Variants in PRPS1 observed in about 807,000 individuals in gnomAD.
PRPS1 encodes the protein ribose-phosphate pyrophosphokinase 1.
Under a neutral mutation model 16.9 loss-of-function variants are expected in PRPS1, and 1 was observed. The observed-to-expected ratio is 0.06, with a 90% CI of 0.02 to 0.28. The LOEUF (loss-of-function observed/expected upper bound fraction) is 0.28, where lower values mean the gene tolerates loss of function less well. Among genes scored for constraint, PRPS1 ranks in the 10% least tolerant of loss-of-function variants. PRPS1 has a pLI of 1.00. For missense variants in PRPS1, 47 were observed against 254.0 expected (o/e 0.19, Z 5.54); for synonymous variants, 70 against 90.2 (o/e 0.78, Z 1.27).
intron 1 of PRPS1, 144 bp downstream of exon 1, chrX:107,628,894 G>A: frequency 1.1e-6 from 1 of 875,873 alleles, no homozygotes; most frequent in Non-Finnish European, 1.6e-6. Flanking sequence ...CCCACGGGCT[G>A]TTTCCGTTAT....
chrX:107,639,606 C>T, intron 2 of PRPS1, 128 bp downstream of exon 2: 4 of 669,544 alleles, frequency 6.0e-6, no homozygotes, highest in Non-Finnish European at 9.1e-6. Context: ...TTAGGTATTA[C>T]CCTATCTTCA....
rs185553780 is a variant in PRPS1 at position 107,649,863 on chromosome X, G to A, written c.865-77G>A. ...TAAGAGGAAGGGCACTTGCCTGGCT[G>A]CTCATCAGTGTCTGCAAATTGGCCA... On this transcript the variant is annotated intron_variant, in intron 6 of 6. Transcript: ENST00000372435. 1.2e-5 allele frequency: 14 copies of A among 1,207,861 alleles called. No individual in the cohort carries two copies. The African/African-American group carries it at 2.3e-4, about 20-fold the overall frequency.
intron 6 of PRPS1, among the ~76,000 whole-genome samples, chrX:107,649,579 C>T (rs1266572679): frequency 1.8e-5 from 2 of 112,043 alleles, no homozygotes; most frequent in African/African-American, 3.2e-5. Context: ...CTCAGCCTCC[C>T]GAGTAGCTGG....
In PRPS1 at chrX:107,650,683, G is replaced by A. The variant is rs180980520; in HGVS notation, c.*651G>A. The A allele has an allele frequency of 3.4e-6, 1 of 296,795 alleles. No individual in the cohort carries two copies. Among genetic ancestry groups the A allele is most frequent in the African/African-American group, 2.8e-5 (1 of 36,164 alleles). 24.5% of individuals were successfully genotyped at this position (296,795 alleles called of 1,213,427 possible). A position where few individuals can be genotyped will look rare whatever the true frequency, so the allele number is the denominator to read the frequency against. ...CCTTTGTACCTATCCCTTTCGATTT[G>A]GCTTTACCTTCATCTATCTTGATCC... On this transcript the variant is annotated 3_prime_UTR_variant, in exon 7 of 7. Transcript: ENST00000372435.
intron 4 of PRPS1, among the ~76,000 whole-genome samples, chrX:107,644,404 A>T (rs1358736807): frequency 8.9e-6 from 1 of 111,794 alleles, no homozygotes; most frequent in Non-Finnish European, 1.9e-5. Flanking sequence ...AACAGGCTGG[A>T]TGCTGCTCCT....
intron 6 of PRPS1, among the ~76,000 whole-genome samples, chrX:107,648,676 G>A (rs1380194233): frequency 9.1e-6 from 1 of 110,483 alleles, no homozygotes; most frequent in Non-Finnish European, 1.9e-5. Context: ...GCCTCCCAAA[G>A]TGCTGAGATT....
chrX:107,635,445 ATT>A (rs397896027), intron 1 of PRPS1, among the ~76,000 whole-genome samples: 1 of 99,670 alleles, frequency 1.0e-5, no homozygotes. Flanking sequence ...AAATTTTCTG[ATT>A]TTTTTTTTTT....
intron 6 of PRPS1, 127 bp from the exon 7 acceptor site, chrX:107,649,811 CAG>C: frequency 8.9e-7 from 1 of 1,120,150 alleles, no homozygotes; most frequent in East Asian, 3.0e-5. Context: ...AGCCTCATGA[CAG>C]GGAAACAGCA....
At chrX:107,632,780 A>G (rs1022941605) in intron 1 of PRPS1, among the ~76,000 whole-genome samples, 6 of 112,717 alleles carry the variant, frequency 5.3e-5, no homozygotes, top group African/African-American at 1.9e-4. Context: ...AATAAGGTTA[A>G]GATTTTTAGA....
chrX:107,635,921 G>A (rs1203328659), intron 1 of PRPS1, among the ~76,000 whole-genome samples: 2 of 108,141 alleles, frequency 1.8e-5, no homozygotes, highest in Non-Finnish European at 3.8e-5. Flanking sequence ...TTAGCTGGGC[G>A]TGGTGGCGTG....
chrX:107,644,203 A>C (rs1424804370), intron 4 of PRPS1, among the ~76,000 whole-genome samples: 2 of 112,336 alleles, frequency 1.8e-5, no homozygotes, highest in Non-Finnish European at 3.8e-5. Context: ...AAAAATAAGA[A>C]TTCTCTTTGA....
At chrX:107,644,896 G>C (rs1299281390) in intron 4 of PRPS1, among the ~76,000 whole-genome samples, 1 of 110,775 alleles carries the variant, frequency 9.0e-6, no homozygotes, top group Non-Finnish European at 1.9e-5. Context: ...CTCACTGCAA[G>C]CTCCAGCTCC....
intron 2 of PRPS1, among the ~76,000 whole-genome samples, chrX:107,639,947 A>G (rs1353593669): frequency 8.9e-6 from 1 of 112,840 alleles, no homozygotes; most frequent in African/African-American, 3.2e-5. Context: ...AGGATAAGGC[A>G]TATACATAAA....
At chrX:107,648,122 A>G (rs1416821993) in intron 6 of PRPS1, among the ~76,000 whole-genome samples, 3 of 111,895 alleles carry the variant, frequency 2.7e-5, no homozygotes, top group Non-Finnish European at 3.8e-5. Context: ...TCTGTTAACT[A>G]TCGGCCCCTG....
At position 107,635,871 on chromosome X, in the gene PRPS1, CA is replaced by C. The variant is rs1925424043; in HGVS notation, c.123-3422del. Reference sequence around the variant, plus strand: ...GTCAAGAGATCGAGACCATCCTGGCCAACATGGTGAAACCCCATCTCTACTA... The same window carrying C: ...GTCAAGAGATCGAGACCATCCTGGCCACATGGTGAAACCCCATCTCTACTA... On this transcript the variant is annotated intron_variant, in intron 1 of 6. Coordinates refer to ENST00000372435, the MANE Select transcript of PRPS1 (RefSeq NM_002764.4). Among the ~76,000 whole-genome samples, 7 of 105,734 alleles carry C rather than the reference CA, an allele frequency of 6.6e-5. No homozygotes were observed. In the South Asian group the frequency reaches 2.9e-3, roughly 43 times the overall value. 91.8% of individuals were successfully genotyped at this position (105,734 alleles called of 115,157 possible). A position where few individuals can be genotyped will look rare whatever the true frequency, so the allele number is the denominator to read the frequency against.
rs760006234 is a variant in PRPS1, at chrX:107,631,632, C to T, written c.122+2882C>T. Among the ~76,000 whole-genome samples, 11 of 111,396 alleles carry T rather than the reference C, an allele frequency of 9.9e-5. No individual in the cohort carries two copies. In the South Asian group the frequency reaches 4.1e-3, roughly 42 times the overall value. ...TTTGATACCTGTTGCCAAATTATTC[C>T]CCAGAAAAGTTGAACAAATCTGTCT... On this transcript the variant is annotated intron_variant, in intron 1 of 6. Transcript: ENST00000372435.
At chrX:107,632,545 T>C (rs940058032) in intron 1 of PRPS1, among the ~76,000 whole-genome samples, 2 of 112,490 alleles carry the variant, frequency 1.8e-5, no homozygotes, top group Non-Finnish European at 3.7e-5. Flanking sequence ...TTTCACTCAT[T>C]GGATAGACAT....
At chrX:107,628,849 TG>T in intron 1 of PRPS1, 99 bp downstream of exon 1, 4 of 1,127,945 alleles carry the variant, frequency 3.5e-6, no homozygotes, top group East Asian at 6.2e-5. Flanking sequence ...GACTGGGGGT[TG>T]GGGGGAGAGG....
chrX:107,640,786 C>A, intron 2 of PRPS1, 116 bp from the exon 3 acceptor site: 1 of 787,429 alleles, frequency 1.3e-6, no homozygotes, highest in Non-Finnish European at 1.9e-6. Context: ...CTATGAATTT[C>A]TGGGTACCAT....
Sources: gnomAD v4.1 joint callset for allele counts (sites outside exome capture counted in the v4.1 genomes callset) on GRCh38, gnomAD v4.1.1 for gene constraint, MANE v1.5 for transcripts, NCBI Gene and HGNC (gene_info 2026-07-23, HGNC 2026-07-21) for gene names.